The following IGLON5 variants were observed in gnomAD, a reference collection of about 807,000 sequenced individuals.
The protein encoded by IGLON5 is Ig-like domain-containing protein ENSP00000270642.
Under a neutral mutation model 38.2 loss-of-function variants are expected in IGLON5, and 16 were observed. The observed-to-expected ratio is 0.42, with a 90% confidence interval of 0.28 to 0.64. The LOEUF (loss-of-function observed/expected upper bound fraction) is 0.64, where lower values mean the gene tolerates loss of function less well. Ranked by LOEUF, IGLON5 falls within the 30% of genes least tolerant of loss-of-function variation. The probability of loss-of-function intolerance (pLI) is 0.23; values close to 1 mark genes in which losing one functional copy is unlikely to be tolerated. For synonymous variants in IGLON5, 207 were observed against 216.4 expected (o/e 0.96, Z 0.38); for missense variants, 366 against 483.4 (o/e 0.76, Z 2.28).
At position 51,324,454 on chromosome 19, in the gene IGLON5, C is replaced by T. The variant is rs1985163692; in HGVS notation, c.391+560C>T. Reference sequence around the variant, plus strand: ...CCACAGTGAGGCGAGAGGCAGAGGGCATCTGAAATGGTGGAGGGTAGGGAG... The same window carrying T: ...CCACAGTGAGGCGAGAGGCAGAGGGTATCTGAAATGGTGGAGGGTAGGGAG... On this transcript the variant is annotated intron_variant, in intron 3 of 7. Coordinates refer to ENST00000270642, the MANE Select transcript of IGLON5 (RefSeq NM_001101372.3). This position sits in a 1 kb window ranked among gnomAD's most constrained non-coding sequence, Gnocchi z 4.2. Among the ~76,000 whole-genome samples, 1 of 152,100 alleles carries T rather than the reference C, an allele frequency of 6.6e-6. No homozygotes were observed. The highest frequency in any genetic ancestry group is 2.4e-5 in the African/African-American group (1 of 41,398).
Position 51,311,939 on chromosome 19 carries a change from C to T in IGLON5, c.79+13C>T. ...GTCATCAGCCGAGGTACCGCAGCGC[C>T]GGGGGCGGGGGGCTCGGCCGGGACG... On this transcript the variant is annotated intron_variant, in intron 1 of 7. Transcript: ENST00000270642. 1.5e-5 allele frequency: 20 copies of T among 1,299,690 alleles called. No homozygotes were observed. The highest frequency in any genetic ancestry group is 2.0e-5 in the Non-Finnish European group (20 of 1,022,148). 80.5% of individuals were successfully genotyped at this position (1,299,690 alleles called of 1,614,324 possible). A position where few individuals can be genotyped will look rare whatever the true frequency, so the allele number is the denominator to read the frequency against.
Position 51,318,929 on chromosome 19 carries a change from C to G in IGLON5, c.80-3135C>G, listed in dbSNP as rs150952876. 5.3e-5 allele frequency among the ~76,000 whole-genome samples: 8 copies of G among 152,268 alleles called. No homozygotes were observed. In the East Asian group the frequency reaches 1.5e-3, roughly 29 times the overall value. ...GTTCCTGTAGGACAATGGCTCTCAA[C>G]GGGGAAGGGGGTGTGTGATTTTGCC... On this transcript the variant is annotated intron_variant, in intron 1 of 7. Transcript: ENST00000270642.
At position 51,329,296 on chromosome 19, in the gene IGLON5, A is replaced by G. The variant is rs866163503; in HGVS notation, c.*537A>G. ...GCTTACCAGGCTCCCTGCTTCCCCA[A>G]TATATGCACGCACACTACCCCTCCC... On this transcript the variant is annotated 3_prime_UTR_variant, in exon 8 of 8. Coordinates refer to ENST00000270642, the MANE Select transcript of IGLON5 (RefSeq NM_001101372.3). The surrounding 1 kb of genome is among the most constrained non-coding windows in gnomAD (Gnocchi z 4.3). 1 of 152,502 alleles carries G rather than the reference A, an allele frequency of 6.6e-6. No homozygotes were observed. The highest frequency in any genetic ancestry group is 1.5e-5 in the Non-Finnish European group (1 of 68,232). The allele number at this position is 152,502 out of a possible 1,614,324, so 9.4% of individuals were successfully genotyped here.
intron 1 of IGLON5, among the ~76,000 whole-genome samples, chr19:51,320,060 C>G (rs559591659): frequency 4.1e-4 from 62 of 152,160 alleles, no homozygotes; most frequent in Non-Finnish European, 7.9e-4. Flanking sequence ...CGCGCGTGCA[C>G]GCGTGCATCC....
chr19:51,326,688 T>C, intron 4 of IGLON5, 76 bp from the exon 5 acceptor site: 1 of 1,039,142 alleles, frequency 9.6e-7, no homozygotes, highest in Non-Finnish European at 1.3e-6. Flanking sequence ...CTGATGTGTG[T>C]CCGTGTTGTG....
chr19:51,328,233 G>A (rs1299865834), intron 7 of IGLON5, among the ~76,000 whole-genome samples: 1 of 151,922 alleles, frequency 6.6e-6, no homozygotes, highest in African/African-American at 2.4e-5. Flanking sequence ...GGGCGTGGTG[G>A]CTCACGCCTG....
rs1426110443 is a variant in IGLON5, at chr19:51,327,504, C to G, written c.768-228C>G. ...ACCAGCAGAGTTCAGGAGTCCCTAA[C>G]GACTAGGGGTGCACTACGGGAGAGT... On this transcript the variant is annotated intron_variant, in intron 6 of 7. Transcript: ENST00000270642. The surrounding 1 kb of genome is among the most constrained non-coding windows in gnomAD (Gnocchi z 7.1). Among the ~76,000 whole-genome samples the G allele has an allele frequency of 1.3e-5, 2 of 152,094 alleles. No individual in the cohort carries two copies. The highest frequency in any genetic ancestry group is 2.9e-5 in the Non-Finnish European group (2 of 68,020).
chr19:51,318,608 G>A (rs1233798971), intron 1 of IGLON5, among the ~76,000 whole-genome samples: 4 of 151,996 alleles, frequency 2.6e-5, no homozygotes, highest in Non-Finnish European at 5.9e-5. Context: ...GGTGGTGCAT[G>A]CCAATAGTCC....
rs1985307480 is a variant in IGLON5, at chr19:51,329,807, C to G, written c.*1048C>G. 2 of 143,312 alleles carry G rather than the reference C, an allele frequency of 1.4e-5. No individual in the cohort carries two copies. The highest frequency in any genetic ancestry group is 4.2e-4 in the South Asian group (2 of 4,756). 8.9% of individuals were successfully genotyped at this position (143,312 alleles called of 1,614,324 possible). ...CCCTCACAGACACTCAGACGCACCA[C>G]ACACACATACACACACACAGACACA... On this transcript the variant is annotated 3_prime_UTR_variant, in exon 8 of 8. Coordinates refer to ENST00000270642, the MANE Select transcript of IGLON5 (RefSeq NM_001101372.3). This position sits in a 1 kb window ranked among gnomAD's most constrained non-coding sequence, Gnocchi z 4.3.
chr19:51,327,894 T>C lies in IGLON5; in HGVS notation c.922+8T>C, dbSNP rs768713380. ...CCTCCATGCGGCTCCTGCGTGCGTC[T>C]TCGGGCGGGGCGGGGCCGGGAAGGT... On this transcript the variant is annotated splice_region_variant and intron_variant, in intron 7 of 7. Transcript: ENST00000270642. This position sits in a 1 kb window ranked among gnomAD's most constrained non-coding sequence, Gnocchi z 7.1. 7.4e-5 allele frequency: 110 copies of C among 1,485,860 alleles called. No individual in the cohort carries two copies. Among genetic ancestry groups the C allele is most frequent in the African/African-American group, 6.1e-4 (42 of 69,344 alleles). 92.0% of individuals were successfully genotyped at this position (1,485,860 alleles called of 1,614,324 possible). A position where few individuals can be genotyped will look rare whatever the true frequency, so the allele number is the denominator to read the frequency against.
rs1274729166 is a variant in IGLON5 at position 51,324,822 on chromosome 19, T to C, written c.392-524T>C. Among the ~76,000 whole-genome samples, 1 of 151,408 alleles carries C rather than the reference T, an allele frequency of 6.6e-6. No homozygotes were observed. Among genetic ancestry groups the C allele is most frequent in the Non-Finnish European group, 1.5e-5 (1 of 67,924 alleles). ...AGGGGAGTGGAAAGCACAGATGACT[T>C]AGAATTGATGAAATACAGTAACATC... On this transcript the variant is annotated intron_variant, in intron 3 of 7. Transcript: ENST00000270642. The surrounding 1 kb of genome is among the most constrained non-coding windows in gnomAD (Gnocchi z 4.2).
At chr19:51,320,804 A>G (rs547282735) in intron 1 of IGLON5, among the ~76,000 whole-genome samples, 1 of 152,208 alleles carries the variant, frequency 6.6e-6, no homozygotes, top group East Asian at 1.9e-4. Context: ...TGTTATCTAC[A>G]TGCATCTGGT....
In IGLON5 at chr19:51,324,072, C is replaced by G. The variant is rs755878631; in HGVS notation, c.391+178C>G. 6.6e-6 allele frequency among the ~76,000 whole-genome samples: 1 copy of G among 152,152 alleles called. No homozygotes were observed. Among genetic ancestry groups the G allele is most frequent in the Non-Finnish European group, 1.5e-5 (1 of 68,034 alleles). On this transcript the variant is annotated intron_variant, in intron 3 of 7. Transcript: ENST00000270642. This position sits in a 1 kb window ranked among gnomAD's most constrained non-coding sequence, Gnocchi z 4.2. ...AGGGGGCCAGTTACACAGACAGTGA[C>G]GCATCAACATGATTGCTTCTAGGGC...
intron 1 of IGLON5, among the ~76,000 whole-genome samples, chr19:51,316,746 G>T (rs149346794): frequency 2.0e-5 from 3 of 151,938 alleles, no homozygotes; most frequent in African/African-American, 7.3e-5. Context: ...CATCCGCCTT[G>T]GCCTCCCAAA....
At chr19:51,319,462 C>A (rs559732776) in intron 1 of IGLON5, among the ~76,000 whole-genome samples, 1 of 152,172 alleles carries the variant, frequency 6.6e-6, no homozygotes, top group African/African-American at 2.4e-5. Flanking sequence ...GTGCGTCTGA[C>A]CCAGGGCCTT....
chr19:51,327,052 G>T lies in IGLON5; in HGVS notation c.647-28G>T, dbSNP rs1985235242. ...CCCCTTCGTCCCCACGCGGCTAGGA[G>T]AATTCGCTGACCCTTGCCCCTCGCC... On this transcript the variant is annotated intron_variant, in intron 5 of 7. Transcript: ENST00000270642. The surrounding 1 kb of genome is among the most constrained non-coding windows in gnomAD (Gnocchi z 7.1). The T allele has an allele frequency of 1.2e-6, 2 of 1,602,860 alleles. No individual in the cohort carries two copies. Among genetic ancestry groups the T allele is most frequent in the East Asian group, 2.2e-5 (1 of 44,642 alleles).
At position 51,324,483 on chromosome 19, in the gene IGLON5, C is replaced by A. The variant is rs1321870104; in HGVS notation, c.391+589C>A. On this transcript the variant is annotated intron_variant, in intron 3 of 7. Coordinates refer to ENST00000270642, the MANE Select transcript of IGLON5 (RefSeq NM_001101372.3). This position sits in a 1 kb window ranked among gnomAD's most constrained non-coding sequence, Gnocchi z 4.2. Reference sequence around the variant, plus strand: ...TGAAATGGTGGAGGGTAGGGAGCACCTGGAGAGACAGGACCTGGAGACAGA... The same window carrying A: ...TGAAATGGTGGAGGGTAGGGAGCACATGGAGAGACAGGACCTGGAGACAGA... 1.3e-5 allele frequency among the ~76,000 whole-genome samples: 2 copies of A among 152,016 alleles called. No homozygotes were observed. Among genetic ancestry groups the A allele is most frequent in the Non-Finnish European group, 2.9e-5 (2 of 68,006 alleles).
chr19:51,327,045 G>A lies in IGLON5; in HGVS notation c.647-35G>A. 1.2e-6 allele frequency: 2 copies of A among 1,601,936 alleles called. No individual in the cohort carries two copies. The highest frequency in any genetic ancestry group is 1.7e-6 in the Non-Finnish European group (2 of 1,174,378). ...GGCGGGACCCCTTCGTCCCCACGCGGCTAGGAGAATTCGCTGACCCTTGCC... is the reference window on the plus strand; with the variant it reads ...GGCGGGACCCCTTCGTCCCCACGCGACTAGGAGAATTCGCTGACCCTTGCC... On this transcript the variant is annotated intron_variant, in intron 5 of 7. Coordinates refer to ENST00000270642, the MANE Select transcript of IGLON5 (RefSeq NM_001101372.3). This position sits in a 1 kb window ranked among gnomAD's most constrained non-coding sequence, Gnocchi z 7.1.
In IGLON5 at chr19:51,327,927, G is replaced by T. The variant is rs1342773804; in HGVS notation, c.922+41G>T. The T allele has an allele frequency of 1.4e-5, 20 of 1,426,460 alleles. No individual in the cohort carries two copies. The South Asian group carries it at 2.0e-4, about 14-fold the overall frequency. 88.4% of individuals were successfully genotyped at this position (1,426,460 alleles called of 1,614,324 possible). A position where few individuals can be genotyped will look rare whatever the true frequency, so the allele number is the denominator to read the frequency against. On this transcript the variant is annotated intron_variant, in intron 7 of 7. Transcript: ENST00000270642. This position sits in a 1 kb window ranked among gnomAD's most constrained non-coding sequence, Gnocchi z 7.1. ...GGGCGGGGCCGGGAAGGTGGGCGGG[G>T]CCGGGGGCGGGGCTAGGGAAGTGGA...
Sources: allele counts gnomAD v4.1 joint callset (sites outside exome capture counted in the v4.1 genomes callset), GRCh38; gene constraint gnomAD v4.1.1; non-coding constraint Gnocchi (gnomAD v3.1); transcripts MANE v1.5; gene names NCBI Gene and HGNC (gene_info 2026-07-23, HGNC 2026-07-21).